Variants in TNIP3 observed in about 807,000 individuals in gnomAD.
TNIP3 encodes TNFAIP3-interacting protein 3.
TNIP3 carries 34 observed loss-of-function variants against 54.1 expected under a neutral mutation model. That is an observed-to-expected ratio of 0.63 (90% CI 0.48 to 0.84). The LOEUF (loss-of-function observed/expected upper bound fraction) is 0.84. Among genes scored for constraint, TNIP3 ranks in the 40% least tolerant of loss-of-function variants. The pLI, the probability that TNIP3 is intolerant of heterozygous loss-of-function variation, is 0.00. For missense variants in TNIP3, 366 were observed against 387.6 expected, an observed-to-expected ratio of 0.94 and a Z score of 0.47; for synonymous variants, 134 against 136.8, an observed-to-expected ratio of 0.98 and a Z score of 0.14.
chr4:121,182,036 T>G (rs1042475757), intron 3 of TNIP3, among the ~76,000 whole-genome samples: 1 of 152,144 alleles, frequency 6.6e-6, no homozygotes, highest in East Asian at 1.9e-4. Context: ...CATTCTCACA[T>G]TAGATTTTTT....
chr4:121,169,060 C>T (rs1290394427), upstream of TNIP3, among the ~76,000 whole-genome samples: 1 of 152,108 alleles, frequency 6.6e-6, no homozygotes, highest in African/African-American at 2.4e-5. Flanking sequence ...CCATTATTAA[C>T]ACAGTGGCCA....
At chr4:121,157,406 G>C in intron 3 of TNIP3, 163 bp from the exon 4 acceptor site, 1 of 836,154 alleles carries the variant, frequency 1.2e-6, no homozygotes, top group Non-Finnish European at 1.9e-6. Context: ...CGGGATACTC[G>C]CGTTTCAAAG....
chr4:121,142,777 C>T lies in TNIP3; in HGVS notation c.736-1G>A, dbSNP rs757185918. On this transcript the variant is annotated splice_acceptor_variant, in intron 7 of 10. Transcript: ENST00000057513. LOFTEE classifies it high-confidence loss of function. Reference sequence around the variant, plus strand: ...CTTTCTCCATCTGACAAGCTTTTATCTAAAGACAAAACAAAGGCATTTGTT... The same window carrying T: ...CTTTCTCCATCTGACAAGCTTTTATTTAAAGACAAAACAAAGGCATTTGTT... The T allele has an allele frequency of 1.2e-6, 2 of 1,611,266 alleles. No individual in the cohort carries two copies. The highest frequency in any genetic ancestry group is 2.7e-5 in the African/African-American group (2 of 74,824).
intron 2 of TNIP3, among the ~76,000 whole-genome samples, chr4:121,190,940 G>A (rs1282831532): frequency 2.0e-5 from 3 of 152,128 alleles, no homozygotes; most frequent in African/African-American, 7.2e-5. Flanking sequence ...AAACCAAGAA[G>A]AGGGTCAAAC....
At chr4:121,193,819 C>T (rs1725427523) in intron 2 of TNIP3, among the ~76,000 whole-genome samples, 2 of 152,044 alleles carry the variant, frequency 1.3e-5, no homozygotes, top group Non-Finnish European at 2.9e-5. Context: ...AAAAGTTTCA[C>T]ATCTGTAATA....
chr4:121,209,189 C>A (rs1414454315), intron 2 of TNIP3, among the ~76,000 whole-genome samples: 1 of 152,224 alleles, frequency 6.6e-6, no homozygotes, highest in African/African-American at 2.4e-5. Context: ...CCTTTGGATT[C>A]TTTTCATCTG....
intron 7 of TNIP3, 56 bp downstream of exon 7, chr4:121,146,993 T>A: frequency 6.4e-7 from 1 of 1,551,912 alleles, no homozygotes; most frequent in Non-Finnish European, 8.7e-7. Context: ...TGAATTTTTT[T>A]AAATGAAAAA....
intron 2 of TNIP3, among the ~76,000 whole-genome samples, chr4:121,185,238 C>T (rs896864507): frequency 2.0e-5 from 3 of 152,182 alleles, no homozygotes; most frequent in Non-Finnish European, 4.4e-5. Context: ...ACGTTTGCAT[C>T]GTCAAACTTT....
chr4:121,144,135 T>C (rs1043046659), intron 7 of TNIP3, among the ~76,000 whole-genome samples: 1 of 152,190 alleles, frequency 6.6e-6, no homozygotes, highest in Non-Finnish European at 1.5e-5. Context: ...TTTGTGATGA[T>C]GAGGATAGAC....
exon 1 of TNIP3, chr4:121,227,418 G>A (rs1727304990): frequency 6.5e-7 from 1 of 1,533,324 alleles, no homozygotes. Flanking sequence ...CTCAGATCTA[G>A]GTAAGCGTAT....
intron 7 of TNIP3, among the ~76,000 whole-genome samples, chr4:121,143,671 G>T (rs115287433): frequency 0.022 from 3,302 of 152,244 alleles, 79 homozygotes; most frequent in Admixed American, 0.036. Context: ...GTTGGGTTAA[G>T]TTTCTGCTAG....
At chr4:121,222,461 A>C (rs1307262740) in intron 1 of TNIP3, among the ~76,000 whole-genome samples, 1 of 152,170 alleles carries the variant, frequency 6.6e-6, no homozygotes, top group African/African-American at 2.4e-5. Flanking sequence ...TGGGCATATT[A>C]TTTAAATACT....
chr4:121,220,940 G>A (rs1727001323), upstream of TNIP3, among the ~76,000 whole-genome samples: 1 of 152,128 alleles, frequency 6.6e-6, no homozygotes, highest in South Asian at 2.1e-4. Flanking sequence ...GGTGACAAGT[G>A]GTGGTAGGGG....
At chr4:121,221,186 A>G (rs1235698623), upstream of TNIP3, among the ~76,000 whole-genome samples, 2 of 152,242 alleles carry the variant, frequency 1.3e-5, no homozygotes, top group Non-Finnish European at 2.9e-5. Flanking sequence ...GTAAAGAACT[A>G]TAACATTTTT....
chr4:121,208,943 TTCCCCAATCTCCAGGAAGGGGAGGGAGC>T (rs1011337852), intron 2 of TNIP3, among the ~76,000 whole-genome samples: 49 of 152,240 alleles, frequency 3.2e-4, no homozygotes, highest in African/African-American at 9.4e-4. Flanking sequence ...TTCAGCTCCA[TTCCCCAATCTCCAGGAAGGGGAGGGAGC>T]TCCCCAATCT....
rs552032570 is a variant in TNIP3 at position 121,191,138 on chromosome 4, T to C, written c.69-8342A>G. Among the ~76,000 whole-genome samples, 3 of 152,314 alleles carry C rather than the reference T, an allele frequency of 2.0e-5. No individual in the cohort carries two copies. In the East Asian group the frequency reaches 5.8e-4, roughly 29 times the overall value. ...GTATGGCATGCTATCATTAAGGTTA[T>C]TTTTATTTATTTGAAATTCTATTTT... On this transcript the variant is annotated intron_variant, in intron 2 of 12. Transcript: ENST00000507879.
intron 2 of TNIP3, among the ~76,000 whole-genome samples, chr4:121,205,247 T>A (rs1289809691): frequency 6.6e-6 from 1 of 152,140 alleles, no homozygotes; most frequent in African/African-American, 2.4e-5. Context: ...GTATGGGCCA[T>A]GTGGCTTATT....
intron 3 of TNIP3, among the ~76,000 whole-genome samples, chr4:121,172,867 C>T (rs1724049455): frequency 6.6e-6 from 1 of 152,112 alleles, no homozygotes; most frequent in South Asian, 2.1e-4. Flanking sequence ...GCTAGAGGTC[C>T]TAGAATGGAA....
At chr4:121,133,853 G>A (rs961958709) in intron 10 of TNIP3, among the ~76,000 whole-genome samples, 1 of 152,076 alleles carries the variant, frequency 6.6e-6, no homozygotes, top group African/African-American at 2.4e-5. Context: ...GACCGAGGCA[G>A]AGATTGCAGT....
Sources: allele counts gnomAD v4.1 joint callset (sites outside exome capture counted in the v4.1 genomes callset), GRCh38; gene constraint gnomAD v4.1.1; transcripts MANE v1.5; gene names NCBI Gene and HGNC (gene_info 2026-07-23, HGNC 2026-07-21).